The following MARCHF1 variants were observed in gnomAD, a reference collection of about 807,000 sequenced individuals.
The protein encoded by MARCHF1 is E3 ubiquitin-protein ligase MARCHF1.
MARCHF1 carries 40 observed loss-of-function variants against 54.2 expected under a neutral mutation model. The ratio of observed to expected loss-of-function variants is 0.74; its 90% CI spans 0.57 to 0.96. The LOEUF is 0.96. Among genes scored for constraint, MARCHF1 ranks in the 40% least tolerant of loss-of-function variants. The pLI, the probability that MARCHF1 is intolerant of heterozygous loss-of-function variation, is 0.00. For missense variants in MARCHF1, 586 were observed against 656.5 expected (o/e 0.89, Z 1.17); for synonymous variants, 236 against 236.3 (o/e 1.00, Z 0.01).
chr4:163,942,337 C>CA (rs1751929302), intron 3 of MARCHF1, among the ~76,000 whole-genome samples: 1 of 152,176 alleles, frequency 6.6e-6, no homozygotes, highest in Admixed American at 6.5e-5. Flanking sequence ...GAAGCATACC[C>CA]TTCTGGGTAA....
At chr4:163,874,601 T>C (rs1251159196) in intron 3 of MARCHF1, among the ~76,000 whole-genome samples, 1 of 152,118 alleles carries the variant, frequency 6.6e-6, no homozygotes, top group African/African-American at 2.4e-5. Flanking sequence ...TCAACATTAT[T>C]CATATAAAAA....
At chr4:163,617,294 G>A (rs1741546663) in intron 5 of MARCHF1, among the ~76,000 whole-genome samples, 1 of 152,080 alleles carries the variant, frequency 6.6e-6, no homozygotes, top group Non-Finnish European at 1.5e-5. Flanking sequence ...CCAAGTAAGA[G>A]GAAGACATTT....
At chr4:163,866,318 C>T (rs1579351877) in intron 3 of MARCHF1, among the ~76,000 whole-genome samples, 1 of 150,350 alleles carries the variant, frequency 6.7e-6, no homozygotes, top group South Asian at 2.1e-4. Context: ...GTATTATATA[C>T]CAAGAGTCAA....
At chr4:164,165,882 C>T (rs1730367700) in intron 1 of MARCHF1, among the ~76,000 whole-genome samples, 1 of 151,952 alleles carries the variant, frequency 6.6e-6, no homozygotes, top group Admixed American at 6.6e-5. Flanking sequence ...GTCAGTGGGT[C>T]ACCAGAGTAA....
chr4:163,982,464 A>T (rs888903846), intron 3 of MARCHF1, among the ~76,000 whole-genome samples: 6 of 152,208 alleles, frequency 3.9e-5, no homozygotes, highest in Admixed American at 3.3e-4. Context: ...CTCATAAGCC[A>T]GTTGCTGCAC....
chr4:163,997,441 A>G (rs1365016429), intron 2 of MARCHF1, among the ~76,000 whole-genome samples: 1 of 152,022 alleles, frequency 6.6e-6, no homozygotes, highest in African/African-American at 2.4e-5. Flanking sequence ...TGAGCTCTGT[A>G]AAAATAAACA....
At chr4:163,800,673 C>G (rs80251942) in intron 4 of MARCHF1, among the ~76,000 whole-genome samples, 3,619 of 152,140 alleles carry the variant, frequency 0.024, 64 homozygotes, top group East Asian at 0.074. Flanking sequence ...AACAAAGTAT[C>G]ATCTGGTACA....
chr4:164,175,333 C>T (rs1730635684), intron 1 of MARCHF1, among the ~76,000 whole-genome samples: 1 of 152,020 alleles, frequency 6.6e-6, no homozygotes, highest in Admixed American at 6.6e-5. Flanking sequence ...CATAAATATC[C>T]ACAACCTTGC....
chr4:163,596,842 C>T (rs1225963421), intron 7 of MARCHF1, among the ~76,000 whole-genome samples: 7 of 152,234 alleles, frequency 4.6e-5, no homozygotes, highest in Non-Finnish European at 8.8e-5. Flanking sequence ...TGTAGTTTTG[C>T]CATTACTTTT....
chr4:164,020,434 CG>C (rs1169049505), intron 2 of MARCHF1, among the ~76,000 whole-genome samples: 1 of 152,174 alleles, frequency 6.6e-6, no homozygotes. Flanking sequence ...ATTGGAGTTT[CG>C]CACTCCTTAG....
intron 1 of MARCHF1, among the ~76,000 whole-genome samples, chr4:164,207,951 A>G (rs180981187): frequency 2.6e-5 from 4 of 152,214 alleles, no homozygotes; most frequent in Admixed American, 1.3e-4. Flanking sequence ...AAACCTGCAC[A>G]TGTACCCCTG....
chr4:163,753,879 C>T (rs2131861), intron 4 of MARCHF1, among the ~76,000 whole-genome samples: 43,221 of 151,976 alleles, frequency 0.28, 6,721 homozygotes, highest in Non-Finnish European at 0.35. Flanking sequence ...CCAGAATGAA[C>T]AGCAATAGCG....
At chr4:163,876,774 A>C (rs1407272135) in intron 3 of MARCHF1, among the ~76,000 whole-genome samples, 2 of 152,276 alleles carry the variant, frequency 1.3e-5, no homozygotes, top group Middle Eastern at 3.4e-3. Flanking sequence ...TCTACTGCTG[A>C]TGATTTTCTA....
chr4:164,037,728 A>G (rs11938408), intron 2 of MARCHF1, among the ~76,000 whole-genome samples: 70,574 of 151,956 alleles, frequency 0.46, 17,978 homozygotes, highest in Non-Finnish European at 0.57. Flanking sequence ...GACAAACACT[A>G]CCTACAGCCA....
chr4:163,889,490 C>A (rs1235981820), intron 3 of MARCHF1, among the ~76,000 whole-genome samples: 1 of 151,982 alleles, frequency 6.6e-6, no homozygotes, highest in Non-Finnish European at 1.5e-5. Flanking sequence ...ATTTCATATT[C>A]TTTGGTATAG....
chr4:164,084,881 T>G (rs1007571552), intron 2 of MARCHF1, among the ~76,000 whole-genome samples: 11 of 151,834 alleles, frequency 7.2e-5, no homozygotes, highest in African/African-American at 2.6e-4. Context: ...AACAAAACAG[T>G]GTTGTGTAAG....
intron 8 of MARCHF1, among the ~76,000 whole-genome samples, chr4:163,552,676 C>T (rs1265198625): frequency 6.6e-6 from 1 of 152,144 alleles, no homozygotes; most frequent in Non-Finnish European, 1.5e-5. Context: ...GAATCCATCA[C>T]TGAGGAATGA....
intron 2 of MARCHF1, among the ~76,000 whole-genome samples, chr4:163,994,987 A>G (rs189307361): frequency 2.2e-4 from 34 of 152,150 alleles, no homozygotes; most frequent in African/African-American, 7.9e-4. Flanking sequence ...TTTTCCCCAC[A>G]TACCAAACAA....
At chr4:164,260,991 T>TG (rs1190977787) in intron 1 of MARCHF1, among the ~76,000 whole-genome samples, 1 of 152,174 alleles carries the variant, frequency 6.6e-6, no homozygotes, top group Non-Finnish European at 1.5e-5. Context: ...CTTCATGTTA[T>TG]GGGGGTGTTC....
Sources: allele counts gnomAD v4.1 joint callset (sites outside exome capture counted in the v4.1 genomes callset), GRCh38; gene constraint gnomAD v4.1.1; transcripts MANE v1.5; gene names NCBI Gene and HGNC (gene_info 2026-07-23, HGNC 2026-07-21).